Variants in AGO3 observed in about 807,000 individuals in gnomAD.
AGO3 encodes protein argonaute-3.
In AGO3, 16 loss-of-function variants were observed where a neutral mutation model predicts 105.5. The observed-to-expected ratio is 0.15, with a 90% CI of 0.10 to 0.23. AGO3 has a LOEUF of 0.23. AGO3 is among the 10% of genes least tolerant of loss of function. The probability of loss-of-function intolerance (pLI) is 1.00; values close to 1 mark genes in which losing one functional copy is unlikely to be tolerated. For synonymous variants in AGO3, 340 were observed against 367.3 expected (o/e 0.93, Z 0.85); for missense variants, 534 against 1,088.0 (o/e 0.49, Z 7.16).
chr1:35,982,604 T>A, intron 5 of AGO3: 2 of 717,478 alleles, frequency 2.8e-6, no homozygotes, highest in Non-Finnish European at 5.2e-6. Flanking sequence ...AGTGACATGA[T>A]CATATTTGTT....
Position 36,038,506 on chromosome 1 carries a change from C to T in AGO3, c.1843-1284C>T, listed in dbSNP as rs997226858. 5.3e-5 allele frequency among the ~76,000 whole-genome samples: 8 copies of T among 152,164 alleles called. No individual in the cohort carries two copies. The East Asian group carries it at 5.8e-4, about 11-fold the overall frequency. ...TCCTGACCTTGTGATTCGCCCACCT[C>T]GGCCTCCCAAAGTTCTGGGATTACA... On this transcript the variant is annotated intron_variant, in intron 14 of 18. Transcript: ENST00000373191.
intron 6 of AGO3, chr1:36,005,777 C>T: frequency 1.0e-6 from 1 of 985,334 alleles, no homozygotes; most frequent in Non-Finnish European, 1.2e-6. Context: ...TGGACTCGAT[C>T]TTAACTTCAA....
At chr1:36,049,926 T>G (rs1237484986) in intron 17 of AGO3, among the ~76,000 whole-genome samples, 2 of 152,188 alleles carry the variant, frequency 1.3e-5, no homozygotes, top group Non-Finnish European at 2.9e-5. Context: ...AAAGCAAGTA[T>G]TATTAGCTCT....
chr1:35,972,375 C>T, intron 4 of AGO3, 143 bp downstream of exon 4: 1 of 982,080 alleles, frequency 1.0e-6, no homozygotes. Flanking sequence ...CATACAAATT[C>T]ATTGACAGGA....
chr1:36,056,541 G>A lies in AGO3; in HGVS notation c.*796G>A, dbSNP rs1642921814. The stretch of plus-strand genomic sequence containing the variant: ...TTCTGAGTTCTCAACTCTTGATATT[G>A]CTGTCTTAAGAAACAAAATTTTATA... On this transcript the variant is annotated 3_prime_UTR_variant, in exon 19 of 19. Transcript: ENST00000373191. 1 of 151,724 alleles carries A rather than the reference G, an allele frequency of 6.6e-6. No individual in the cohort carries two copies. Among genetic ancestry groups the A allele is most frequent in the Non-Finnish European group, 1.5e-5 (1 of 67,962 alleles). The allele number at this position is 151,724 out of a possible 1,614,324, so 9.4% of individuals were successfully genotyped here.
intron 17 of AGO3, among the ~76,000 whole-genome samples, chr1:36,046,564 G>T (rs555288880): frequency 7.2e-6 from 1 of 138,832 alleles, no homozygotes. Flanking sequence ...ACGTCATGGC[G>T]CGCGCCTGTA....
intron 1 of AGO3, among the ~76,000 whole-genome samples, chr1:35,942,789 T>A (rs548967581): frequency 1.2e-4 from 18 of 152,220 alleles, no homozygotes; most frequent in Non-Finnish European, 2.6e-4. Flanking sequence ...TAGTCAGTAG[T>A]GTTCGGTACA....
At chr1:35,996,156 T>C (rs773381774) in intron 5 of AGO3, among the ~76,000 whole-genome samples, 19 of 151,556 alleles carry the variant, frequency 1.3e-4, no homozygotes, top group Non-Finnish European at 1.9e-4. Context: ...CTGGGCAACA[T>C]AGTAAAAAAA....
At position 36,013,622 on chromosome 1, in the gene AGO3, AT is replaced by A. The variant is rs753020148; in HGVS notation, c.1150-3del. The A allele has an allele frequency of 1.7e-5, 28 of 1,612,638 alleles. No individual in the cohort carries two copies. The highest frequency in any genetic ancestry group is 5.0e-5 in the Admixed American group (3 of 59,834). On this transcript the variant is annotated splice_polypyrimidine_tract_variant and splice_region_variant and intron_variant, in intron 9 of 18. Coordinates refer to ENST00000373191, the MANE Select transcript of AGO3 (RefSeq NM_024852.4). ...TTGAGAGTAACTACAAACTTTTTCT[AT>A]TTTTAGGTAAGAAGTGCAAATTATG...
intron 16 of AGO3, among the ~76,000 whole-genome samples, chr1:36,041,822 G>A (rs989473691): frequency 7.9e-5 from 12 of 152,044 alleles, no homozygotes; most frequent in African/African-American, 2.9e-4. Flanking sequence ...TACCTTATTT[G>A]GGTTGTCGGG....
At position 35,971,795 on chromosome 1, in the gene AGO3, G is replaced by A. The variant is rs115048465; in HGVS notation, c.313-229G>A. Among the ~76,000 whole-genome samples the A allele has an allele frequency of 9.5e-3, 1,439 of 151,714 alleles. 31 individuals carry two copies. Among genetic ancestry groups the A allele is most frequent in the African/African-American group, 0.031 (1,296 of 41,372 alleles). ...TTTTCCTCATTCTTTTTTCATAGCCGCATAGATGTTGGAGCATTTAGGGTA... is the reference window on the plus strand; with the variant it reads ...TTTTCCTCATTCTTTTTTCATAGCCACATAGATGTTGGAGCATTTAGGGTA... On this transcript the variant is annotated intron_variant, in intron 3 of 18. Coordinates refer to ENST00000373191, the MANE Select transcript of AGO3 (RefSeq NM_024852.4).
At chr1:35,935,128 A>G (rs2148738420) in intron 1 of AGO3, among the ~76,000 whole-genome samples, 1 of 152,290 alleles carries the variant, frequency 6.6e-6, no homozygotes, top group Middle Eastern at 3.4e-3. Context: ...AAATATATTT[A>G]TTGCACTTGA....
chr1:36,031,564 G>A (rs1216312444), intron 12 of AGO3, among the ~76,000 whole-genome samples: 1 of 151,548 alleles, frequency 6.6e-6, no homozygotes, highest in Non-Finnish European at 1.5e-5. Context: ...AGTCATTCTG[G>A]AATTCTTACA....
chr1:35,947,429 C>T (rs1446738948), intron 2 of AGO3, among the ~76,000 whole-genome samples: 1 of 152,086 alleles, frequency 6.6e-6, no homozygotes, highest in Non-Finnish European at 1.5e-5. Context: ...CCTCGTAGTA[C>T]TTGATGTACA....
At chr1:35,982,577 AG>A (rs1359589262) in intron 5 of AGO3, 1 of 713,176 alleles carries the variant, frequency 1.4e-6, no homozygotes, top group Non-Finnish European at 2.6e-6. Flanking sequence ...GATACTTCAA[AG>A]GTTTTTAAGA....
intron 17 of AGO3, among the ~76,000 whole-genome samples, chr1:36,043,888 A>G (rs1030403484): frequency 6.6e-6 from 1 of 152,078 alleles, no homozygotes; most frequent in African/African-American, 2.4e-5. Context: ...AGAGAGAAAG[A>G]GAAAGCACTA....
intron 9 of AGO3, among the ~76,000 whole-genome samples, chr1:36,012,892 G>C (rs2148818261): frequency 6.6e-6 from 1 of 150,710 alleles, no homozygotes; most frequent in South Asian, 2.1e-4. Flanking sequence ...AACATAGCAA[G>C]ACTCCATCTC....
chr1:35,949,099 A>T (rs1052480759), intron 2 of AGO3, among the ~76,000 whole-genome samples: 1 of 152,186 alleles, frequency 6.6e-6, no homozygotes, highest in East Asian at 1.9e-4. Context: ...ATGTGCCATC[A>T]TGCCCAGCTA....
At chr1:35,953,879 A>G (rs1646517956) in intron 2 of AGO3, among the ~76,000 whole-genome samples, 1 of 152,128 alleles carries the variant, frequency 6.6e-6, no homozygotes, top group Admixed American at 6.6e-5. Context: ...TATGTTCTAG[A>G]TAAAAGTCCC....
Sources: allele counts gnomAD v4.1 joint callset (sites outside exome capture counted in the v4.1 genomes callset), GRCh38; gene constraint gnomAD v4.1.1; transcripts MANE v1.5; gene names NCBI Gene and HGNC (gene_info 2026-07-23, HGNC 2026-07-21).